Variants in TPST2 observed in about 807,000 individuals in gnomAD.
TPST2 encodes the protein tyrosylprotein sulfotransferase 2.
TPST2 carries 16 observed loss-of-function variants against 27.8 expected under a neutral mutation model. The ratio of observed to expected loss-of-function variants is 0.58; its 90% CI spans 0.39 to 0.88. The LOEUF (loss-of-function observed/expected upper bound fraction) is 0.88. Ranked by LOEUF, TPST2 falls within the 40% of genes least tolerant of loss-of-function variation. The probability of loss-of-function intolerance (pLI) is 0.00; values close to 1 mark genes in which losing one functional copy is unlikely to be tolerated. For missense variants in TPST2, 464 were observed against 543.1 expected (o/e 0.85, Z 1.45); for synonymous variants, 229 against 231.7 (o/e 0.99, Z 0.10).
intron 1 of TPST2, among the ~76,000 whole-genome samples, chr22:26,557,388 C>T (rs904072870): frequency 9.2e-5 from 14 of 152,206 alleles, no homozygotes; most frequent in African/African-American, 2.7e-4. Flanking sequence ...CCCAATAATT[C>T]TTACTAGCGA....
At chr22:26,573,518 TG>T (rs1927714557) in intron 1 of TPST2, among the ~76,000 whole-genome samples, 1 of 152,260 alleles carries the variant, frequency 6.6e-6, no homozygotes, top group Admixed American at 6.5e-5. Context: ...CCTCTTCCCC[TG>T]GCCCCAGCTG....
intron 1 of TPST2, among the ~76,000 whole-genome samples, chr22:26,562,964 G>C (rs1927192934): frequency 6.6e-6 from 1 of 152,094 alleles, no homozygotes; most frequent in South Asian, 2.1e-4. Flanking sequence ...TACAATTAGG[G>C]ATCATCTCAT....
At chr22:26,567,337 C>G (rs916659464) in intron 1 of TPST2, among the ~76,000 whole-genome samples, 1 of 152,218 alleles carries the variant, frequency 6.6e-6, no homozygotes, top group Non-Finnish European at 1.5e-5. Flanking sequence ...GGAAATGGGC[C>G]TTGCTCACTG....
intron 2 of TPST2, among the ~76,000 whole-genome samples, chr22:26,542,113 G>T (rs1275518396): frequency 6.6e-6 from 1 of 152,012 alleles, no homozygotes; most frequent in African/African-American, 2.4e-5. Context: ...ATGGTGGCGG[G>T]CGCCTGTAGT....
chr22:26,555,833 G>A (rs982142913), intron 1 of TPST2, among the ~76,000 whole-genome samples: 2 of 152,226 alleles, frequency 1.3e-5, no homozygotes, highest in African/African-American at 4.8e-5. Flanking sequence ...GCAACCCTGT[G>A]GGGGAGACAG....
chr22:26,525,852 C>A lies in TPST2; in HGVS notation c.*423G>T, dbSNP rs1461667272. ...AGAACTGAGGAGGAATCAAAGAAAG[C>A]CTCATATATTAAACTCTTAAATAGA... On this transcript the variant is annotated 3_prime_UTR_variant, in exon 7 of 7. Transcript: ENST00000338754. 6.6e-6 allele frequency: 1 copy of A among 152,392 alleles called. No individual in the cohort carries two copies. Among genetic ancestry groups the A allele is most frequent in the Non-Finnish European group, 1.5e-5 (1 of 68,022 alleles). The allele number at this position is 152,392 out of a possible 1,614,324, so 9.4% of individuals were successfully genotyped here. A position where few individuals can be genotyped will look rare whatever the true frequency, so the allele number is the denominator to read the frequency against.
intron 1 of TPST2, among the ~76,000 whole-genome samples, chr22:26,567,589 T>C (rs575287767): frequency 1.3e-5 from 2 of 152,344 alleles, no homozygotes; most frequent in East Asian, 3.9e-4. Flanking sequence ...TCCAATGACC[T>C]TGAGGCTTAA....
chr22:26,572,937 G>A (rs1053018990), intron 1 of TPST2, among the ~76,000 whole-genome samples: 1 of 152,098 alleles, frequency 6.6e-6, no homozygotes, highest in Non-Finnish European at 1.5e-5. Context: ...AGAAAGATGC[G>A]CCTGAGTTTG....
At chr22:26,546,980 T>G (rs1926156966) in intron 1 of TPST2, among the ~76,000 whole-genome samples, 2 of 152,182 alleles carry the variant, frequency 1.3e-5, no homozygotes, top group Non-Finnish European at 2.9e-5. Context: ...TTATAGAAAT[T>G]TGCTGACCTC....
At chr22:26,552,749 C>T (rs1380294253) in intron 1 of TPST2, among the ~76,000 whole-genome samples, 1 of 152,064 alleles carries the variant, frequency 6.6e-6, no homozygotes, top group East Asian at 1.9e-4. Context: ...TTGCCAACCC[C>T]CTGGTCTATA....
chr22:26,556,825 T>C (rs575310394), intron 1 of TPST2, among the ~76,000 whole-genome samples: 3 of 152,326 alleles, frequency 2.0e-5, no homozygotes, highest in African/African-American at 7.2e-5. Flanking sequence ...CCTGCCCGTT[T>C]CCTCGCCCCA....
At position 26,525,728 on chromosome 22, in the gene TPST2, GAA is replaced by G. The variant is rs888141875; in HGVS notation, c.*545_*546del. On this transcript the variant is annotated 3_prime_UTR_variant, in exon 7 of 7. Coordinates refer to ENST00000338754, the MANE Select transcript of TPST2 (RefSeq NM_003595.5). ...TACCTGACAAAATCCAGTATGGAAA[GAA>G]AAAAAAAACCCTATTCATTCAGTAA... 1 of 148,134 alleles carries G rather than the reference GAA, an allele frequency of 6.8e-6. No individual in the cohort carries two copies. Among genetic ancestry groups the G allele is most frequent in the Non-Finnish European group, 1.5e-5 (1 of 66,780 alleles). 9.2% of individuals were successfully genotyped at this position (148,134 alleles called of 1,614,324 possible).
intron 1 of TPST2, among the ~76,000 whole-genome samples, chr22:26,556,640 A>C (rs919690984): frequency 2.6e-5 from 4 of 152,200 alleles, no homozygotes; most frequent in African/African-American, 9.6e-5. Context: ...AACTAGGGTC[A>C]ATAAAGATGT....
chr22:26,579,612 C>T (rs1001246725), intron 1 of TPST2, among the ~76,000 whole-genome samples: 31 of 152,310 alleles, frequency 2.0e-4, no homozygotes, highest in Admixed American at 3.9e-4. Context: ...TGCAAGGGTC[C>T]GGATGGTTCT....
At chr22:26,543,807 G>T (rs1925982230) in intron 2 of TPST2, among the ~76,000 whole-genome samples, 1 of 152,206 alleles carries the variant, frequency 6.6e-6, no homozygotes, top group Non-Finnish European at 1.5e-5. Flanking sequence ...GTGAGCAGAA[G>T]ACAGCAATGA....
At chr22:26,543,359 G>C (rs1388927682) in intron 2 of TPST2, 1 of 152,206 alleles carries the variant, frequency 6.6e-6, no homozygotes, top group African/African-American at 2.4e-5. Context: ...CGAAATCCCT[G>C]CAACGACCCT....
intron 1 of TPST2, among the ~76,000 whole-genome samples, chr22:26,550,261 G>C (rs999180733): frequency 6.6e-6 from 1 of 152,150 alleles, no homozygotes; most frequent in African/African-American, 2.4e-5. Context: ...AACAGACAAA[G>C]GTTCCTGCCT....
At chr22:26,533,178 G>A (rs971489193) in intron 4 of TPST2, among the ~76,000 whole-genome samples, 3 of 152,166 alleles carry the variant, frequency 2.0e-5, no homozygotes, top group Non-Finnish European at 4.4e-5. Flanking sequence ...ACTTCTGGAG[G>A]CCAAGGCAGG....
chr22:26,555,472 G>C, intron 1 of TPST2: 1 of 349,604 alleles, frequency 2.9e-6, no homozygotes, highest in South Asian at 2.1e-5. Flanking sequence ...TCACTCACCT[G>C]TTATAACGTT....
Sources: allele counts gnomAD v4.1 joint callset (sites outside exome capture counted in the v4.1 genomes callset), GRCh38; gene constraint gnomAD v4.1.1; transcripts MANE v1.5; gene names NCBI Gene and HGNC (gene_info 2026-07-23, HGNC 2026-07-21).